The following LRP1B variants were observed in gnomAD, a reference collection of about 807,000 sequenced individuals.
LRP1B encodes the protein LDL receptor related protein 1B.
Under a neutral mutation model 556.6 loss-of-function variants are expected in LRP1B, and 217 were observed. That is an observed-to-expected ratio of 0.39 (90% CI 0.35 to 0.44). The LOEUF (loss-of-function observed/expected upper bound fraction) is 0.44, where lower values mean the gene tolerates loss of function less well. Ranked by LOEUF, LRP1B falls within the 20% of genes least tolerant of loss-of-function variation. LRP1B has a pLI of 1.00. For synonymous variants in LRP1B, 2,047 were observed against 1,865.8 expected, an observed-to-expected ratio of 1.10 and a Z score of -2.50; for missense variants, 5,053 against 5,620.8, an observed-to-expected ratio of 0.90 and a Z score of 3.23.
chr2:140,935,821 G>T (rs894470193), intron 20 of LRP1B, among the ~76,000 whole-genome samples: 2 of 151,898 alleles, frequency 1.3e-5, no homozygotes, highest in African/African-American at 4.8e-5. Context: ...TTTTTCATTG[G>T]AAGCTTGGAT....
At chr2:141,596,116 C>A (rs549380221) in intron 2 of LRP1B, among the ~76,000 whole-genome samples, 1 of 151,468 alleles carries the variant, frequency 6.6e-6, no homozygotes, top group Admixed American at 6.6e-5. Context: ...CATGGCAAAC[C>A]TTTTGTTTAT....
At chr2:140,364,083 A>G (rs1573848678) in intron 72 of LRP1B, among the ~76,000 whole-genome samples, 1 of 151,658 alleles carries the variant, frequency 6.6e-6, no homozygotes, top group Admixed American at 6.6e-5. Flanking sequence ...ATTTGGAGAA[A>G]CTTGAATTTG....
At chr2:140,367,375 A>G (rs933852533) in intron 71 of LRP1B, among the ~76,000 whole-genome samples, 1 of 151,812 alleles carries the variant, frequency 6.6e-6, no homozygotes, top group Non-Finnish European at 1.5e-5. Flanking sequence ...CAGAACTGGT[A>G]CAGCTTACAT....
At chr2:140,520,976 C>T (rs1410662111) in intron 49 of LRP1B, among the ~76,000 whole-genome samples, 1 of 150,958 alleles carries the variant, frequency 6.6e-6, no homozygotes, top group African/African-American at 2.4e-5. Flanking sequence ...TAAGACTGGT[C>T]CTTCATATTA....
intron 6 of LRP1B, among the ~76,000 whole-genome samples, chr2:141,203,832 T>A (rs1176361490): frequency 6.6e-6 from 1 of 152,166 alleles, no homozygotes; most frequent in Non-Finnish European, 1.5e-5. Flanking sequence ...ACAAATGGTC[T>A]CTCAGACCAC....
At chr2:141,324,051 CACACACA>C (rs1687349156) in intron 3 of LRP1B, among the ~76,000 whole-genome samples, 2 of 146,056 alleles carry the variant, frequency 1.4e-5, no homozygotes, top group Non-Finnish European at 1.5e-5. Context: ...CACACACACA[CACACACA>C]CCTGAACAAG....
chr2:141,205,439 T>C (rs1019653867), intron 6 of LRP1B, among the ~76,000 whole-genome samples: 1 of 152,194 alleles, frequency 6.6e-6, no homozygotes, highest in Non-Finnish European at 1.5e-5. Flanking sequence ...GCTCTCCACA[T>C]GGAATGGGGT....
At chr2:141,988,455 A>G (rs1433842076) in intron 1 of LRP1B, among the ~76,000 whole-genome samples, 1 of 152,002 alleles carries the variant, frequency 6.6e-6, no homozygotes, top group Non-Finnish European at 1.5e-5. Flanking sequence ...TTTATGAGTA[A>G]CATTTCTTAA....
intron 41 of LRP1B, among the ~76,000 whole-genome samples, chr2:140,614,171 A>G (rs1683178774): frequency 6.6e-6 from 1 of 152,076 alleles, no homozygotes; most frequent in South Asian, 2.1e-4. Context: ...TAAATCACTC[A>G]GTCACCTCTG....
Position 141,563,833 on chromosome 2 carries a change from G to A in LRP1B, c.206-83300C>T, listed in dbSNP as rs78196000. 6.2e-3 allele frequency among the ~76,000 whole-genome samples: 942 copies of A among 152,008 alleles called. 9 individuals are homozygous for A. The highest frequency in any genetic ancestry group is 0.02 in the African/African-American group (843 of 41,490). On this transcript the variant is annotated intron_variant, in intron 2 of 90. Coordinates refer to ENST00000389484, the MANE Select transcript of LRP1B (RefSeq NM_018557.3). The stretch of plus-strand genomic sequence containing the variant: ...TGGAAGCTAAACACTGAGTACTTAC[G>A]GATATAAAGATGGCAACAATAGTCA...
intron 66 of LRP1B, among the ~76,000 whole-genome samples, chr2:140,420,360 G>A (rs560866902): frequency 6.6e-6 from 1 of 152,100 alleles, no homozygotes; most frequent in Admixed American, 6.5e-5. Context: ...CATCAGGATG[G>A]CCAAAATTTA....
Position 141,624,915 on chromosome 2 carries a change from G to A in LRP1B, c.206-144382C>T, listed in dbSNP as rs113349203. ...CTCCCAAGTAGCTGGGACTACAGGC[G>A]CCCGCCACCACGCCCGGCTAATTTT... On this transcript the variant is annotated intron_variant, in intron 2 of 90. Coordinates refer to ENST00000389484, the MANE Select transcript of LRP1B (RefSeq NM_018557.3). 6.3e-3 allele frequency among the ~76,000 whole-genome samples: 961 copies of A among 152,024 alleles called. 16 individuals carry two copies. The highest frequency in any genetic ancestry group is 0.022 in the African/African-American group (922 of 41,466).
chr2:141,016,792 T>G (rs1379019372), intron 12 of LRP1B, among the ~76,000 whole-genome samples: 1 of 152,084 alleles, frequency 6.6e-6, no homozygotes, highest in African/African-American at 2.4e-5. Context: ...TCATCTCATA[T>G]ACAACTTTAT....
At chr2:141,052,361 GTATA>G (rs1211712573) in intron 10 of LRP1B, among the ~76,000 whole-genome samples, 1 of 151,806 alleles carries the variant, frequency 6.6e-6, no homozygotes, top group Non-Finnish European at 1.5e-5. Context: ...TTGGGATCTT[GTATA>G]TAAATTCTTT....
chr2:141,464,997 A>G (rs1682125301), intron 3 of LRP1B, among the ~76,000 whole-genome samples: 1 of 151,542 alleles, frequency 6.6e-6, no homozygotes, highest in African/African-American at 2.4e-5. Flanking sequence ...GGCTAAGGAA[A>G]GGAAACAAAA....
chr2:141,864,804 T>C (rs1252906164), intron 1 of LRP1B, among the ~76,000 whole-genome samples: 1 of 151,920 alleles, frequency 6.6e-6, no homozygotes, highest in Non-Finnish European at 1.5e-5. Context: ...ATCACTTGAA[T>C]CCAGGAGGCG....
At chr2:142,052,098 C>G (rs374187436) in intron 1 of LRP1B, among the ~76,000 whole-genome samples, 1 of 151,834 alleles carries the variant, frequency 6.6e-6, no homozygotes, top group Admixed American at 6.6e-5. Flanking sequence ...TTTGAAAAAT[C>G]AAACAACTAA....
chr2:140,753,038 C>T (rs553580774), intron 35 of LRP1B, among the ~76,000 whole-genome samples: 2 of 152,232 alleles, frequency 1.3e-5, no homozygotes, highest in South Asian at 2.1e-4. Flanking sequence ...CTATTAATAT[C>T]ACCCTTCCCC....
At chr2:140,492,842 G>GTAGT in intron 56 of LRP1B, 149 bp from the exon 57 acceptor site, 1 of 564,320 alleles carries the variant, frequency 1.8e-6, no homozygotes. Context: ...ACTGAGCAAC[G>GTAGT]TAGTTGGCAG....
Sources: allele counts gnomAD v4.1 joint callset (sites outside exome capture counted in the v4.1 genomes callset), GRCh38; gene constraint gnomAD v4.1.1; transcripts MANE v1.5; gene names NCBI Gene and HGNC (gene_info 2026-07-23, HGNC 2026-07-21).